GPC6: variants seen among roughly 807,000 people sequenced by gnomAD.
GPC6 encodes the protein glypican 6.
GPC6 carries 14 observed loss-of-function variants against 55.2 expected under a neutral mutation model. The observed-to-expected ratio is 0.25, with a 90% CI of 0.17 to 0.40. The LOEUF (loss-of-function observed/expected upper bound fraction) is 0.40. Among genes scored for constraint, GPC6 ranks in the 10% least tolerant of loss-of-function variants. GPC6 has a pLI of 1.00. For synonymous variants in GPC6, 278 were observed against 259.6 expected (o/e 1.07, Z -0.68); for missense variants, 641 against 708.5 (o/e 0.90, Z 1.08).
At chr13:93,731,139 A>C (rs1477761954) in intron 2 of GPC6, among the ~76,000 whole-genome samples, 2 of 152,168 alleles carry the variant, frequency 1.3e-5, no homozygotes, top group Non-Finnish European at 2.9e-5. Context: ...AGGGGTGCTC[A>C]TTCCCTGCAT....
intron 2 of GPC6, among the ~76,000 whole-genome samples, chr13:93,657,991 A>G (rs1048223679): frequency 1.3e-5 from 2 of 152,122 alleles, no homozygotes; most frequent in African/African-American, 4.8e-5. Context: ...ATGCTTAGAC[A>G]TTGCTGGTGG....
intron 2 of GPC6, among the ~76,000 whole-genome samples, chr13:93,757,492 G>T (rs144018879): frequency 6.6e-6 from 1 of 152,274 alleles, no homozygotes; most frequent in Non-Finnish European, 1.5e-5. Flanking sequence ...TATGGGAGCA[G>T]TGAGAAGCAG....
chr13:93,852,864 C>T (rs1188824536), intron 3 of GPC6, among the ~76,000 whole-genome samples: 1 of 151,582 alleles, frequency 6.6e-6, no homozygotes, highest in Non-Finnish European at 1.5e-5. Context: ...GTATCATTCC[C>T]AGAAGGGATC....
chr13:94,090,777 A>G (rs1428229070), intron 4 of GPC6, among the ~76,000 whole-genome samples: 1 of 152,170 alleles, frequency 6.6e-6, no homozygotes, highest in African/African-American at 2.4e-5. Flanking sequence ...AGCCCACATA[A>G]CAAGTGGAAG....
intron 5 of GPC6, among the ~76,000 whole-genome samples, chr13:94,305,340 T>C (rs141236307): frequency 6.6e-6 from 1 of 152,344 alleles, no homozygotes; most frequent in Non-Finnish European, 1.5e-5. Flanking sequence ...TTAATATATA[T>C]TGTTGATTCA....
intron 4 of GPC6, among the ~76,000 whole-genome samples, chr13:94,135,359 T>C (rs1410351495): frequency 3.9e-5 from 6 of 152,246 alleles, no homozygotes; most frequent in Admixed American, 3.3e-4. Flanking sequence ...TCCCTGAAGG[T>C]AATCTTGTTA....
At chr13:93,589,696 G>T (rs1039042655) in intron 2 of GPC6, among the ~76,000 whole-genome samples, 1 of 152,158 alleles carries the variant, frequency 6.6e-6, no homozygotes, top group Non-Finnish European at 1.5e-5. Flanking sequence ...AATATGAAAT[G>T]AGGCCATTTG....
intron 2 of GPC6, among the ~76,000 whole-genome samples, chr13:93,788,479 G>T (rs1885883533): frequency 6.6e-6 from 1 of 150,444 alleles, no homozygotes; most frequent in Non-Finnish European, 1.5e-5. Context: ...GAAAGAAAAG[G>T]TTTTCTGAAA....
chr13:93,238,819 A>C (rs1042784813), intron 1 of GPC6, among the ~76,000 whole-genome samples: 1 of 152,186 alleles, frequency 6.6e-6, no homozygotes, highest in Non-Finnish European at 1.5e-5. Context: ...AATTTTATTA[A>C]ATGCTTTTTC....
At chr13:94,048,003 T>C (rs79958496) in intron 4 of GPC6, among the ~76,000 whole-genome samples, 1 of 151,452 alleles carries the variant, frequency 6.6e-6, no homozygotes, top group African/African-American at 2.4e-5. Flanking sequence ...ATATTTAACA[T>C]TTTTTTTCTC....
chr13:93,492,799 G>A (rs1279801483), intron 1 of GPC6, among the ~76,000 whole-genome samples: 1 of 150,360 alleles, frequency 6.7e-6, no homozygotes, highest in Non-Finnish European at 1.5e-5. Context: ...TTTGTCTTTG[G>A]CTCTGTTTAT....
intron 1 of GPC6, among the ~76,000 whole-genome samples, chr13:93,297,759 T>C (rs1878543073): frequency 6.6e-6 from 1 of 152,170 alleles, no homozygotes; most frequent in Non-Finnish European, 1.5e-5. Context: ...CTGTCTTAAG[T>C]TGTAATTACG....
At chr13:93,780,474 C>A (rs149680886) in intron 2 of GPC6, among the ~76,000 whole-genome samples, 1 of 152,090 alleles carries the variant, frequency 6.6e-6, no homozygotes, top group East Asian at 1.9e-4. Flanking sequence ...TATAAAACAA[C>A]CCCTAAAGCT....
chr13:93,428,557 C>G (rs1397799459), intron 1 of GPC6, among the ~76,000 whole-genome samples: 1 of 152,096 alleles, frequency 6.6e-6, no homozygotes, highest in Non-Finnish European at 1.5e-5. Context: ...TCTTTTATAT[C>G]CTGGCCTTGG....
chr13:94,305,492 T>C (rs1300534476), intron 5 of GPC6, among the ~76,000 whole-genome samples: 2 of 152,236 alleles, frequency 1.3e-5, no homozygotes, highest in East Asian at 1.9e-4. Context: ...ATTTTAAACA[T>C]TGAAATCAAC....
At chr13:93,771,463 A>C (rs1350448643) in intron 2 of GPC6, among the ~76,000 whole-genome samples, 1 of 151,938 alleles carries the variant, frequency 6.6e-6, no homozygotes, top group Non-Finnish European at 1.5e-5. Flanking sequence ...CGGGGAGTGC[A>C]CTCTGCAGGT....
At chr13:93,815,438 TAACATGATGA>T (rs1340320498) in intron 2 of GPC6, among the ~76,000 whole-genome samples, 1 of 152,166 alleles carries the variant, frequency 6.6e-6, no homozygotes, top group Non-Finnish European at 1.5e-5. Flanking sequence ...AATATAATTT[TAACATGATGA>T]AAAATGACCT....
chr13:93,547,392 C>G (rs1284958542), intron 2 of GPC6, among the ~76,000 whole-genome samples: 1 of 151,984 alleles, frequency 6.6e-6, no homozygotes, highest in Non-Finnish European at 1.5e-5. Context: ...CAAGACGAGC[C>G]TTATACTTAC....
At chr13:93,961,027 G>T (rs1879751661) in intron 3 of GPC6, among the ~76,000 whole-genome samples, 1 of 151,952 alleles carries the variant, frequency 6.6e-6, no homozygotes. Flanking sequence ...TGTTAGCCAG[G>T]ATGGTCTGGA....
Sources: allele counts gnomAD v4.1 joint callset (sites outside exome capture counted in the v4.1 genomes callset), GRCh38; gene constraint gnomAD v4.1.1; transcripts MANE v1.5; gene names NCBI Gene and HGNC (gene_info 2026-07-23, HGNC 2026-07-21).